Variants in PAK4 observed in about 807,000 individuals in gnomAD.
The protein encoded by PAK4 is p21 (RAC1) activated kinase 4.
Under a neutral mutation model 53.5 loss-of-function variants are expected in PAK4, and 49 were observed. The observed-to-expected ratio is 0.92, with a 90% CI of 0.73 to 1.16. PAK4 has a LOEUF of 1.16. Among genes scored for constraint, PAK4 ranks in the 50% most tolerant of loss-of-function variants. The probability of loss-of-function intolerance (pLI) is 0.00; values close to 1 mark genes in which losing one functional copy is unlikely to be tolerated. For missense variants in PAK4, 824 were observed against 850.7 expected (o/e 0.97, Z 0.39); for synonymous variants, 376 against 375.6 (o/e 1.00, Z -0.01).
At chr19:39,154,945 G>A (rs476713) in intron 1 of PAK4, among the ~76,000 whole-genome samples, 93,443 of 152,010 alleles carry the variant, frequency 0.61, 28,975 homozygotes, top group East Asian at 0.82. Flanking sequence ...ACAGAGGTGG[G>A]GATGGGAGTT....
rs10418292 is a variant in PAK4 at position 39,175,825 on chromosome 19, G to A, written c.1359+387G>A. Among the ~76,000 whole-genome samples the A allele has an allele frequency of 0.018, 2,801 of 152,320 alleles. 50 individuals carry two copies. The highest frequency in any genetic ancestry group is 0.04 in the African/African-American group (1,644 of 41,566). On this transcript the variant is annotated intron_variant, in intron 6 of 8. Transcript: ENST00000358301. The surrounding 1 kb of genome is among the most constrained non-coding windows in gnomAD (Gnocchi z 4.7). ...TTTGGACTGAGGTTCCAAATCTGAG[G>A]CTGTGACAATTATAACGTCGGGTGG...
intron 1 of PAK4, among the ~76,000 whole-genome samples, chr19:39,150,938 C>G (rs1030514434): frequency 5.9e-5 from 9 of 152,038 alleles, no homozygotes; most frequent in African/African-American, 1.9e-4. Context: ...GGGGTAGGGC[C>G]CACACTGCAC....
exon 2 of PAK4, chr19:39,169,712 C>G: frequency 1.2e-6 from 2 of 1,610,962 alleles, no homozygotes; most frequent in Non-Finnish European, 1.7e-6. Context: ...CCAAGCCCCT[C>G]GTCGACCCCG....
chr19:39,158,885 C>T (rs2074238157), intron 1 of PAK4, among the ~76,000 whole-genome samples: 2 of 152,216 alleles, frequency 1.3e-5, no homozygotes, highest in Admixed American at 1.3e-4. Context: ...ATTTGCTCGG[C>T]AGAAGGGACC....
At chr19:39,128,236 G>T (rs76450822) in intron 1 of PAK4, among the ~76,000 whole-genome samples, 1 of 152,174 alleles carries the variant, frequency 6.6e-6, no homozygotes. Flanking sequence ...CCAAGGCCTG[G>T]CATACAGTAG....
intron 1 of PAK4, among the ~76,000 whole-genome samples, chr19:39,137,574 GTCTGATGTGTTTT>G (rs1248453364): frequency 1.3e-5 from 2 of 150,170 alleles, no homozygotes; most frequent in Non-Finnish European, 3.0e-5. Context: ...TTCCTCTGTG[GTCTGATGTGTTTT>G]TCTGGTAGCC....
intron 1 of PAK4, among the ~76,000 whole-genome samples, chr19:39,134,069 C>T (rs1371922210): frequency 6.6e-6 from 1 of 152,200 alleles, no homozygotes; most frequent in Non-Finnish European, 1.5e-5. Context: ...CCTTCCCTGC[C>T]GCCCACAGGG....
intron 2 of PAK4, among the ~76,000 whole-genome samples, chr19:39,172,235 G>A (rs559864591): frequency 2.0e-5 from 3 of 151,946 alleles, no homozygotes; most frequent in East Asian, 1.9e-4. Context: ...GGGCGGGGGT[G>A]GGGGAGACAC....
chr19:39,131,663 CAG>C (rs1396764234), intron 1 of PAK4, among the ~76,000 whole-genome samples: 1 of 152,196 alleles, frequency 6.6e-6, no homozygotes, highest in East Asian at 1.9e-4. Flanking sequence ...GCGGATGCGA[CAG>C]AAGCCACCGC....
intron 1 of PAK4, among the ~76,000 whole-genome samples, chr19:39,149,347 T>A (rs1185300233): frequency 6.6e-6 from 1 of 152,230 alleles, no homozygotes; most frequent in Non-Finnish European, 1.5e-5. Flanking sequence ...AGCTATCATG[T>A]GGATGGTCTT....
chr19:39,125,805 A>C (rs2073562955), exon 1 of PAK4: 1 of 153,634 alleles, frequency 6.5e-6, no homozygotes, highest in African/African-American at 2.4e-5. Flanking sequence ...TTGGGGATTC[A>C]ACATGGCGGC....
intron 1 of PAK4, among the ~76,000 whole-genome samples, chr19:39,157,589 C>T (rs943897715): frequency 7.2e-5 from 11 of 152,198 alleles, no homozygotes; most frequent in Non-Finnish European, 1.0e-4. Flanking sequence ...CTCTGGGGCA[C>T]GCTCTGCTGG....
At chr19:39,143,257 T>G (rs1470749506) in intron 1 of PAK4, among the ~76,000 whole-genome samples, 1 of 147,300 alleles carries the variant, frequency 6.8e-6, no homozygotes, top group African/African-American at 2.5e-5. Flanking sequence ...TAAGTGCATA[T>G]TAAGGAGTCG....
intron 1 of PAK4, chr19:39,168,694 C>T (rs2074419952): frequency 6.6e-6 from 1 of 152,150 alleles, no homozygotes; most frequent in African/African-American, 2.4e-5. Context: ...TGGCTTTGGT[C>T]GACCATTTGC....
Position 39,175,703 on chromosome 19 carries a change from C to G in PAK4, c.1359+265C>G, listed in dbSNP as rs1231405765. Among the ~76,000 whole-genome samples, 1 of 152,104 alleles carries G rather than the reference C, an allele frequency of 6.6e-6. No homozygotes were observed. Among genetic ancestry groups the G allele is most frequent in the Non-Finnish European group, 1.5e-5 (1 of 67,986 alleles). ...GCCCAGGGGCAGGGATCTGGGCAGA[C>G]AGCGCAGCCCCCGCCACAGGCTTCT... On this transcript the variant is annotated intron_variant, in intron 6 of 8. Coordinates refer to ENST00000358301, the Ensembl canonical transcript of PAK4. This position sits in a 1 kb window ranked among gnomAD's most constrained non-coding sequence, Gnocchi z 4.7.
At chr19:39,169,780 T>G (rs1384948589) in intron 2 of PAK4, 23 bp downstream of exon 3, 1 of 1,359,372 alleles carries the variant, frequency 7.4e-7, no homozygotes, top group East Asian at 2.7e-5. Context: ...CACCACCACC[T>G]CCCCCAGCCC....
Position 39,173,511 on chromosome 19 carries a change from C to G in PAK4, c.664-65C>G, listed in dbSNP as rs1401698746. 1 of 1,412,264 alleles carries G rather than the reference C, an allele frequency of 7.1e-7. No individual in the cohort carries two copies. 87.5% of individuals were successfully genotyped at this position (1,412,264 alleles called of 1,614,324 possible). A position where few individuals can be genotyped will look rare whatever the true frequency, so the allele number is the denominator to read the frequency against. ...GTCTGTCCCATCGCTGGGTCTCTCT[C>G]CTGCTTAGGGAGCAGAGCTGCTCCC... On this transcript the variant is annotated intron_variant, in intron 3 of 8. Transcript: ENST00000358301. The surrounding 1 kb of genome is among the most constrained non-coding windows in gnomAD (Gnocchi z 6.9).
At chr19:39,144,567 G>A (rs1461142805) in intron 1 of PAK4, among the ~76,000 whole-genome samples, 1 of 152,224 alleles carries the variant, frequency 6.6e-6, no homozygotes, top group Non-Finnish European at 1.5e-5. Context: ...AGGCCAGAAG[G>A]GTTTCCTGGG....
At chr19:39,177,551 G>A in intron 7 of PAK4, 124 bp from the exon 9 acceptor site, 2 of 1,069,344 alleles carry the variant, frequency 1.9e-6, no homozygotes, top group Non-Finnish European at 2.6e-6. Flanking sequence ...CCAAGAGGGA[G>A]TTCTGGGCCA....
Sources: gnomAD v4.1 joint callset for allele counts (sites outside exome capture counted in the v4.1 genomes callset) on GRCh38, gnomAD v4.1.1 for gene constraint, Gnocchi (gnomAD v3.1) non-coding constraint, MANE v1.5 for transcripts, NCBI Gene and HGNC (gene_info 2026-07-23, HGNC 2026-07-21) for gene names.